Variants in TRAPPC4 observed in about 807,000 individuals in gnomAD.
TRAPPC4 encodes TRS23 homolog.
In TRAPPC4, 30 loss-of-function variants were observed where a neutral mutation model predicts 23.5. The ratio of observed to expected loss-of-function variants is 1.28; its 90% CI spans 0.96 to 1.73. The LOEUF (loss-of-function observed/expected upper bound fraction) is 1.73. Among genes scored for constraint, TRAPPC4 ranks in the 40% most tolerant of loss-of-function variants. The pLI is 0.00. For synonymous variants in TRAPPC4, 129 were observed against 105.3 expected (o/e 1.23, Z -1.38); for missense variants, 252 against 268.9 (o/e 0.94, Z 0.44).
In TRAPPC4 at chr11:119,019,192, C is replaced by G; in HGVS notation, c.225C>G (p.Tyr75Ter). The G allele has an allele frequency of 6.2e-7, 1 of 1,614,164 alleles. No individual in the cohort carries two copies. The highest frequency in any genetic ancestry group is 8.5e-7 in the Non-Finnish European group (1 of 1,180,024). The change falls in exon 2 of 5, where the codon TAC becomes TAG. Residue 75 changes from tyrosine to a stop codon, truncating the protein, a stop_gained. Transcript: ENST00000533632. LOFTEE classifies it high-confidence loss of function. ...AINGMDVNGRYTADGKEVLEY... is the reference protein window; with the variant it reads ...AINGMDVNGR The stretch of plus-strand genomic sequence containing the variant: ...ATGGCATGGACGTGAATGGCAGGTA[C>G]ACGGCCGACGGGAAAGAGGTGCTGG...
intron 3 of TRAPPC4, 117 bp downstream of exon 3, chr11:119,020,370 G>A (rs545129916): frequency 8.8e-5 from 66 of 749,958 alleles, no homozygotes; most frequent in Non-Finnish European, 1.4e-4. Flanking sequence ...GGAGGAGGGG[G>A]TTGACCAAAG....
intron 4 of TRAPPC4, among the ~76,000 whole-genome samples, chr11:119,022,399 T>G (rs1432500789): frequency 6.6e-6 from 1 of 151,422 alleles, no homozygotes; most frequent in Admixed American, 6.6e-5. Flanking sequence ...GAGATCAGCC[T>G]GGACAACATA....
intron 3 of TRAPPC4, chr11:119,021,239 A>G (rs1943351251): frequency 6.5e-6 from 1 of 152,966 alleles, no homozygotes; most frequent in Non-Finnish European, 1.5e-5. Flanking sequence ...TGTGAATACA[A>G]AACCAATATT....
intron 2 of TRAPPC4, chr11:119,019,797 T>C (rs1412494551): frequency 4.9e-6 from 1 of 204,808 alleles, no homozygotes; most frequent in African/African-American, 2.4e-5. Flanking sequence ...TTTCTTCATA[T>C]TTAAAGAAAG....
intron 3 of TRAPPC4, chr11:119,021,140 C>G (rs1165291130): frequency 6.6e-6 from 1 of 152,340 alleles, no homozygotes; most frequent in African/African-American, 2.4e-5. Context: ...CCACCTGCCT[C>G]TGCCTCCCAC....
Position 119,020,673 on chromosome 11 carries a change from G to A in TRAPPC4, c.454+420G>A, listed in dbSNP as rs1187610611. The A allele has an allele frequency of 2.5e-5, 4 of 159,140 alleles. No individual in the cohort carries two copies. The Admixed American group carries it at 2.6e-4, about 10-fold the overall frequency. 9.9% of individuals were successfully genotyped at this position (159,140 alleles called of 1,614,324 possible). On this transcript the variant is annotated intron_variant, in intron 3 of 4. Coordinates refer to ENST00000533632, the MANE Select transcript of TRAPPC4 (RefSeq NM_016146.6). Reference sequence around the variant, plus strand: ...CGCCTCCCAAAGTGTTGGGATTACAGGCGTGAGCCACCACACCCGACCCAC... The same window carrying A: ...CGCCTCCCAAAGTGTTGGGATTACAAGCGTGAGCCACCACACCCGACCCAC...
rs782081794 is a variant in TRAPPC4 at position 119,020,252 on chromosome 11, AG to A, written c.454+1del. Reference protein sequence around the residue: ...FKLHCYQTLTGIKFVVLADPR... With the variant: ...FKLHCYQTLTXIKFVVLADPR... ...AATTGCACTGCTACCAGACACTGAC[AG>A]GTATGCATCTCCACGGAGGCCAGAG... On this transcript the variant is annotated frameshift_variant and splice_region_variant, in exon 3 of 5. Transcript: ENST00000533632. LOFTEE classifies it high-confidence loss of function. 4 of 1,608,984 alleles carry A rather than the reference AG, an allele frequency of 2.5e-6. No individual in the cohort carries two copies. The highest frequency in any genetic ancestry group is 3.4e-6 in the Non-Finnish European group (4 of 1,176,428).
rs1467921650 is a variant in TRAPPC4 at position 119,021,764 on chromosome 11, C to T, written c.459C>T (p.Ile153=). The T allele has an allele frequency of 1.9e-6, 3 of 1,613,938 alleles. No homozygotes were observed. The highest frequency in any genetic ancestry group is 2.5e-6 in the Non-Finnish European group (3 of 1,179,968). ...KLHCYQTLTG[I]KFVVLADPRQ... ...CCATTCTTGGTCTCTCTCCAGGGATCAAGTTTGTGGTTCTAGCAGATCCTA... is the reference window on the plus strand; with the variant it reads ...CCATTCTTGGTCTCTCTCCAGGGATTAAGTTTGTGGTTCTAGCAGATCCTA... The change falls in exon 4 of 5, where the codon ATC becomes ATT. Residue 153 remains isoleucine, a synonymous_variant. Coordinates refer to ENST00000533632, the MANE Select transcript of TRAPPC4 (RefSeq NM_016146.6).
chr11:119,023,057 C>G (rs111345266), intron 4 of TRAPPC4: 3 of 245,164 alleles, frequency 1.2e-5, no homozygotes, highest in Non-Finnish European at 2.4e-5. Context: ...CTCTGCCTTC[C>G]GGGTTCAGGC....
In TRAPPC4 at chr11:119,020,183, A is replaced by T. The variant is rs534529240; in HGVS notation, c.384A>T (p.Glu128Asp). 103 of 1,613,942 alleles carry T rather than the reference A, an allele frequency of 6.4e-5. No individual in the cohort carries two copies. Among genetic ancestry groups the T allele is most frequent in the Non-Finnish European group, 8.5e-5 (100 of 1,180,002 alleles). Residue 128 changes from glutamate to aspartate, a missense_variant, in exon 3 of 5, where the codon GAA becomes GAT. Coordinates refer to ENST00000533632, the MANE Select transcript of TRAPPC4 (RefSeq NM_016146.6). ...LFAIGSQLSP[E>D]QGSSGIEMLE... is the part of the protein sequence containing the mutation. ...CCATCGGCTCCCAGCTGTCTCCTGA[A>T]CAGGGAAGCTCAGGCATTGAGATGC...
chr11:119,020,059 G>A (rs1480355467), intron 2 of TRAPPC4, 91 bp from the exon 3 acceptor site: 7 of 831,144 alleles, frequency 8.4e-6, no homozygotes, highest in African/African-American at 8.4e-5. Flanking sequence ...GTCCCAGGCT[G>A]TAATGTGAAC....
Position 119,019,288 on chromosome 11 carries a change from G to C in TRAPPC4, c.321G>C (p.Glu107Asp), listed in dbSNP as rs1343953347. ...GCCGGCCCCGCCTCACTTCTAATGA[G>C]AAGCTTATGCTGGCCTCCATGTTCC... ...RFGRPRLTSNEKLMLASMFHS... is the reference protein window; with the variant it reads ...RFGRPRLTSNDKLMLASMFHS... Residue 107 changes from glutamate to aspartate, a missense_variant, in exon 2 of 5, where the codon GAG becomes GAC. By Grantham distance (45) the Glu-to-Asp change is conservative (BLOSUM62 2). Coordinates refer to ENST00000533632, the MANE Select transcript of TRAPPC4 (RefSeq NM_016146.6). 6.2e-7 allele frequency: 1 copy of C among 1,614,170 alleles called. No individual in the cohort carries two copies. Among genetic ancestry groups the C allele is most frequent in the Non-Finnish European group, 8.5e-7 (1 of 1,180,022 alleles).
At position 119,020,251 on chromosome 11, in the gene TRAPPC4, C is replaced by T; in HGVS notation, c.452C>T (p.Thr151Ile). Reference protein sequence around the residue: ...TFKLHCYQTLTGIKFVVLADP... With the variant: ...TFKLHCYQTLIGIKFVVLADP... ...AAATTGCACTGCTACCAGACACTGA[C>T]AGGTATGCATCTCCACGGAGGCCAG... Residue 151 changes from threonine (T) to isoleucine (I), a missense_variant and splice_region_variant, in exon 3 of 5, where the codon ACA (threonine) becomes ATA (isoleucine). By Grantham distance (89) the Thr-to-Ile change is moderately conservative. Transcript: ENST00000533632. The T allele has an allele frequency of 6.2e-7, 1 of 1,611,140 alleles. No individual in the cohort carries two copies. Among genetic ancestry groups the T allele is most frequent in the Admixed American group, 1.7e-5 (1 of 59,992 alleles).
intron 4 of TRAPPC4, among the ~76,000 whole-genome samples, chr11:119,022,856 G>A (rs957955499): frequency 6.6e-6 from 1 of 151,924 alleles, no homozygotes; most frequent in Non-Finnish European, 1.5e-5. Flanking sequence ...AGCTGAGATC[G>A]TGCCACTGAT....
intron 3 of TRAPPC4, chr11:119,021,289 C>G (rs979041787): frequency 3.9e-5 from 6 of 154,314 alleles, no homozygotes; most frequent in Admixed American, 1.9e-4. Context: ...CCAGCATGTT[C>G]AGCAGAGGTT....
chr11:119,019,276 C>T lies in TRAPPC4; in HGVS notation c.309C>T (p.Leu103=). 1.2e-6 allele frequency: 2 copies of T among 1,614,192 alleles called. No homozygotes were observed. The highest frequency in any genetic ancestry group is 1.7e-4 in the Middle Eastern group (1 of 6,060). The change falls in exon 2 of 5, where the codon CTC becomes CTT. Residue 103 remains leucine (L), a synonymous_variant. Transcript: ENST00000533632. ...PVSIRFGRPR[L]TSNEKLMLAS... is the part of the protein sequence containing the mutation. The stretch of plus-strand genomic sequence containing the variant: ...CCATTCGATTTGGCCGGCCCCGCCT[C>T]ACTTCTAATGAGAAGCTTATGCTGG...
At chr11:119,022,732 A>T (rs1304902835) in intron 4 of TRAPPC4, among the ~76,000 whole-genome samples, 8 of 152,050 alleles carry the variant, frequency 5.3e-5, no homozygotes, top group Non-Finnish European at 1.0e-4. Context: ...TCTGCTAAAA[A>T]TACTGAAAAT....
At position 119,021,211 on chromosome 11, in the gene TRAPPC4, A is replaced by G. The variant is rs2134608193; in HGVS notation, c.455-549A>G. 4 of 152,832 alleles carry G rather than the reference A, an allele frequency of 2.6e-5. 1 individual carries two copies. In the East Asian group the frequency reaches 7.7e-4, roughly 29 times the overall value. The allele number at this position is 152,832 out of a possible 1,614,324, so 9.5% of individuals were successfully genotyped here. A position where few individuals can be genotyped will look rare whatever the true frequency, so the allele number is the denominator to read the frequency against. On this transcript the variant is annotated intron_variant, in intron 3 of 4. Coordinates refer to ENST00000533632, the MANE Select transcript of TRAPPC4 (RefSeq NM_016146.6). ...GCCTTCCTGGCACAATTTTATAGAC[A>G]CATCTGTTTGTTTGTTTTGTGAATA...
At chr11:119,020,385 C>T (rs183936915) in intron 3 of TRAPPC4, 132 bp downstream of exon 3, 17 of 655,858 alleles carry the variant, frequency 2.6e-5, no homozygotes, top group South Asian at 2.2e-4. Context: ...CCAAAGACAC[C>T]TTTGGTAAGC....
Sources: allele counts gnomAD v4.1 joint callset (sites outside exome capture counted in the v4.1 genomes callset), GRCh38; gene constraint gnomAD v4.1.1; transcripts MANE v1.5; gene names NCBI Gene and HGNC (gene_info 2026-07-23, HGNC 2026-07-21).